Variants in LYPD6 observed in about 807,000 individuals in gnomAD.
LYPD6 encodes the protein LY6/PLAUR domain containing 6.
A neutral mutation model predicts 22.7 loss-of-function variants in LYPD6; 15 were observed. The ratio of observed to expected loss-of-function variants is 0.66; its 90% CI spans 0.44 to 1.02. The LOEUF (loss-of-function observed/expected upper bound fraction) is 1.02. LYPD6 is among the 50% of genes least tolerant of loss of function. The pLI is 0.00. For missense variants in LYPD6, 189 were observed against 208.4 expected (o/e 0.91, Z 0.57); for synonymous variants, 72 against 77.5 (o/e 0.93, Z 0.37).
intron 3 of LYPD6, among the ~76,000 whole-genome samples, chr2:149,460,266 A>G (rs1254934465): frequency 6.6e-6 from 1 of 152,206 alleles, no homozygotes; most frequent in East Asian, 1.9e-4. Context: ...TGACCCAAAT[A>G]TATGTCATCT....
chr2:149,468,210 A>C (rs947214683), intron 3 of LYPD6, among the ~76,000 whole-genome samples: 25 of 146,314 alleles, frequency 1.7e-4, no homozygotes, highest in African/African-American at 6.1e-4. Context: ...GTAGTGTTTT[A>C]TCTCCTTGAG....
rs571906458 is a variant in LYPD6, at chr2:149,436,474, T to C, written c.-71-1164T>C. On this transcript the variant is annotated intron_variant, in intron 1 of 4. Transcript: ENST00000334166. ...CAGTAAGCAGAGCAATTCAGGCTTA[T>C]TACAGATTTGTCTTTTCCTTAATTT... 2.0e-5 allele frequency among the ~76,000 whole-genome samples: 3 copies of C among 152,346 alleles called. No homozygotes were observed. The South Asian group carries it at 6.2e-4, about 32-fold the overall frequency.
chr2:149,383,879 A>G (rs926812899), intron 1 of LYPD6, among the ~76,000 whole-genome samples: 3 of 152,190 alleles, frequency 2.0e-5, no homozygotes, highest in African/African-American at 7.2e-5. Flanking sequence ...ATTTGCCCCT[A>G]AGGATCTAAA....
chr2:149,435,314 T>G (rs1021965573), intron 1 of LYPD6, among the ~76,000 whole-genome samples: 1 of 152,264 alleles, frequency 6.6e-6, no homozygotes, highest in African/African-American at 2.4e-5. Context: ...TTTACTATCT[T>G]AATTTTGTAT....
At chr2:149,412,739 A>G (rs1031953037) in intron 1 of LYPD6, among the ~76,000 whole-genome samples, 10 of 152,214 alleles carry the variant, frequency 6.6e-5, no homozygotes, top group Admixed American at 2.0e-4. Context: ...TACTGTGTCA[A>G]CTTTTTTTAA....
chr2:149,394,243 C>G (rs1414782542), intron 1 of LYPD6, among the ~76,000 whole-genome samples: 3 of 152,124 alleles, frequency 2.0e-5, no homozygotes, highest in African/African-American at 7.2e-5. Flanking sequence ...ATTTTAGAGC[C>G]ATTAGTGCTT....
chr2:149,377,322 A>G (rs1681945122), intron 1 of LYPD6, among the ~76,000 whole-genome samples: 2 of 151,720 alleles, frequency 1.3e-5, no homozygotes, highest in African/African-American at 2.4e-5. Flanking sequence ...GAAAAAAAAA[A>G]ACACAACTGC....
chr2:149,437,640 G>A lies in LYPD6; in HGVS notation c.-69G>A. The A allele has an allele frequency of 6.3e-7, 1 of 1,590,280 alleles. No individual in the cohort carries two copies. Among genetic ancestry groups the A allele is most frequent in the Non-Finnish European group, 8.6e-7 (1 of 1,166,576 alleles). ...ATGATTCTTTCTTCATTTTTCAGGT[G>A]CAAGTTCTCTCCTGTTGCCCTGAGT... On this transcript the variant is annotated splice_region_variant and 5_prime_UTR_variant, in exon 2 of 5. Coordinates refer to ENST00000334166, the MANE Select transcript of LYPD6 (RefSeq NM_194317.5).
intron 1 of LYPD6, among the ~76,000 whole-genome samples, chr2:149,380,753 G>A (rs1283592967): frequency 3.3e-5 from 5 of 152,168 alleles, no homozygotes; most frequent in Admixed American, 3.3e-4. Context: ...CATACGGATG[G>A]TATTTAAAGC....
rs184274768 is a variant in LYPD6, at chr2:149,467,147, G to C, written c.218-1498G>C. Reference sequence around the variant, plus strand: ...GCTTTGGGATAATTATTGCCAGGTAGAAAACTTTCAACTATTCTTATTGTG... The same window carrying C: ...GCTTTGGGATAATTATTGCCAGGTACAAAACTTTCAACTATTCTTATTGTG... On this transcript the variant is annotated intron_variant, in intron 3 of 4. Coordinates refer to ENST00000334166, the MANE Select transcript of LYPD6 (RefSeq NM_194317.5). Among the ~76,000 whole-genome samples, 18 of 152,300 alleles carry C rather than the reference G, an allele frequency of 1.2e-4. No homozygotes were observed. In the East Asian group the frequency reaches 3.1e-3, roughly 26 times the overall value.
chr2:149,341,618 T>C (rs962093010), intron 1 of LYPD6, among the ~76,000 whole-genome samples: 3 of 152,162 alleles, frequency 2.0e-5, no homozygotes, highest in African/African-American at 7.2e-5. Flanking sequence ...TATAACAAAA[T>C]ACCTGAGACT....
intron 1 of LYPD6, among the ~76,000 whole-genome samples, chr2:149,406,221 G>T (rs1416849545): frequency 6.6e-6 from 1 of 151,740 alleles, no homozygotes; most frequent in Non-Finnish European, 1.5e-5. Context: ...TTGATTTGGG[G>T]TGGAGAGTTC....
At chr2:149,447,283 G>A (rs1683710129) in intron 2 of LYPD6, among the ~76,000 whole-genome samples, 1 of 152,196 alleles carries the variant, frequency 6.6e-6, no homozygotes, top group African/African-American at 2.4e-5. Flanking sequence ...AGCCTCCAGA[G>A]CTCAAATCTC....
chr2:149,458,372 A>C (rs933130527), intron 3 of LYPD6, among the ~76,000 whole-genome samples: 1 of 152,034 alleles, frequency 6.6e-6, no homozygotes, highest in Non-Finnish European at 1.5e-5. Context: ...TCAAGACTTC[A>C]CCCTTCACCG....
chr2:149,342,119 A>G (rs1230681041), intron 1 of LYPD6, among the ~76,000 whole-genome samples: 4 of 152,182 alleles, frequency 2.6e-5, no homozygotes. Context: ...GTATTCACAA[A>G]ACAGACTCTA....
chr2:149,479,559 C>G, the LYPD6 span, among the ~76,000 whole-genome samples: 3 of 152,200 alleles, frequency 2.0e-5, no homozygotes, highest in Non-Finnish European at 4.4e-5. Context: ...TCTCAGTGAA[C>G]AGCATTGACA....
At chr2:149,335,127 C>A (rs1194223082) in intron 1 of LYPD6, among the ~76,000 whole-genome samples, 1 of 151,400 alleles carries the variant, frequency 6.6e-6, no homozygotes, top group African/African-American at 2.5e-5. Flanking sequence ...TTAGAGAGAA[C>A]TCCTACTTAT....
At chr2:149,341,677 A>C (rs1047025007) in intron 1 of LYPD6, among the ~76,000 whole-genome samples, 3 of 152,202 alleles carry the variant, frequency 2.0e-5, no homozygotes, top group Non-Finnish European at 1.5e-5. Flanking sequence ...TCTGAGGCTG[A>C]GAAGTCCAAG....
At chr2:149,397,444 C>G (rs1682451808) in intron 1 of LYPD6, among the ~76,000 whole-genome samples, 2 of 152,150 alleles carry the variant, frequency 1.3e-5, no homozygotes, top group Admixed American at 6.5e-5. Flanking sequence ...TGTCTTGGCC[C>G]AGAACTGGTG....
Sources: allele counts gnomAD v4.1 joint callset (sites outside exome capture counted in the v4.1 genomes callset), GRCh38; gene constraint gnomAD v4.1.1; transcripts MANE v1.5; gene names NCBI Gene and HGNC (gene_info 2026-07-23, HGNC 2026-07-21).